Variants in FARP1 observed in about 807,000 individuals in gnomAD.
FARP1 encodes the protein FERM, ARH/RhoGEF and pleckstrin domain protein 1.
A neutral mutation model predicts 128.8 loss-of-function variants in FARP1; 52 were observed. That is an observed-to-expected ratio of 0.40 (90% CI 0.32 to 0.51). The LOEUF (loss-of-function observed/expected upper bound fraction) is 0.51, where lower values mean the gene tolerates loss of function less well. FARP1 is among the 20% of genes least tolerant of loss of function. The probability of loss-of-function intolerance (pLI) is 0.45; values close to 1 mark genes in which losing one functional copy is unlikely to be tolerated. For synonymous variants in FARP1, 580 were observed against 551.8 expected (o/e 1.05, Z -0.72); for missense variants, 1,333 against 1,367.9 (o/e 0.97, Z 0.40).
intron 13 of FARP1, chr13:98,403,100 T>C (rs975736964): frequency 6.6e-6 from 1 of 151,844 alleles, no homozygotes; most frequent in Non-Finnish European, 1.5e-5. Flanking sequence ...TTTTTTTTTT[T>C]TAACACTGCT....
chr13:98,449,498 TCAAA>T lies in FARP1; in HGVS notation c.*1185_*1188del, dbSNP rs755619087. ...TCCTAAGCCCTTTCTAACGAGAGTC[TCAAA>T]CAAGCGGAGGCGAGGGCCAATTCAA... On this transcript the variant is annotated 3_prime_UTR_variant, in exon 27 of 27. Coordinates refer to ENST00000319562, the MANE Select transcript of FARP1 (RefSeq NM_005766.4). 1 of 152,286 alleles carries T rather than the reference TCAAA, an allele frequency of 6.6e-6. No individual in the cohort carries two copies. Among genetic ancestry groups the T allele is most frequent in the Non-Finnish European group, 1.5e-5 (1 of 67,988 alleles). The allele number at this position is 152,286 out of a possible 1,614,324, so 9.4% of individuals were successfully genotyped here. A position where few individuals can be genotyped will look rare whatever the true frequency, so the allele number is the denominator to read the frequency against.
chr13:98,443,580 G>A (rs1366323387), intron 24 of FARP1, among the ~76,000 whole-genome samples: 1 of 152,216 alleles, frequency 6.6e-6, no homozygotes, highest in South Asian at 2.1e-4. Flanking sequence ...CGTCTGACTC[G>A]TGTAGGCACA....
At chr13:98,314,608 C>G (rs1422799824) in intron 2 of FARP1, among the ~76,000 whole-genome samples, 1 of 152,106 alleles carries the variant, frequency 6.6e-6, no homozygotes, top group African/African-American at 2.4e-5. Context: ...TTTATAATTT[C>G]AAGACGGCTC....
At chr13:98,390,176 C>T (rs752244065) in intron 10 of FARP1, 56 bp downstream of exon 10, 145 of 1,563,822 alleles carry the variant, frequency 9.3e-5, no homozygotes, top group Non-Finnish European at 1.2e-4. Flanking sequence ...CCTCCCGCCT[C>T]TCACAGCCGC....
intron 19 of FARP1, among the ~76,000 whole-genome samples, chr13:98,436,280 A>G (rs1892264713): frequency 6.6e-6 from 1 of 152,126 alleles, no homozygotes; most frequent in Admixed American, 6.6e-5. Flanking sequence ...TTCCTACTCA[A>G]CAGGGCTTCC....
At chr13:98,308,602 C>T (rs1234626330) in intron 2 of FARP1, among the ~76,000 whole-genome samples, 1 of 152,222 alleles carries the variant, frequency 6.6e-6, no homozygotes, top group African/African-American at 2.4e-5. Flanking sequence ...AAAGACTTAA[C>T]AACAACAACA....
At chr13:98,446,009 C>A in intron 24 of FARP1, 89 bp from the exon 25 acceptor site, 2 of 873,186 alleles carry the variant, frequency 2.3e-6, no homozygotes, top group Non-Finnish European at 3.8e-6. Flanking sequence ...CATGCCCCAG[C>A]CCAGGGCCCT....
At chr13:98,226,233 C>G (rs1881755941) in intron 2 of FARP1, among the ~76,000 whole-genome samples, 1 of 152,192 alleles carries the variant, frequency 6.6e-6, no homozygotes, top group African/African-American at 2.4e-5. Flanking sequence ...TCTCTCCTGG[C>G]TCCTGGAGGT....
chr13:98,424,741 G>T (rs1891715741), intron 17 of FARP1, 91 bp downstream of exon 17: 3 of 860,386 alleles, frequency 3.5e-6, no homozygotes, highest in Admixed American at 3.8e-5. Flanking sequence ...ATTTCCATCA[G>T]CATGCATCAC....
intron 5 of FARP1, among the ~76,000 whole-genome samples, chr13:98,377,121 T>C (rs1241606060): frequency 6.6e-6 from 1 of 151,836 alleles, no homozygotes; most frequent in Non-Finnish European, 1.5e-5. Flanking sequence ...GCCAACATGG[T>C]GAAACCCCGT....
At position 98,424,632 on chromosome 13, in the gene FARP1, G is replaced by A. The variant is rs1891711463; in HGVS notation, c.1887G>A (p.Lys629=). ...DYQRIGDVML[K]NIQGMKHLAA... ...AAAGAATCGGCGATGTCATGCTGAAGAACATTCAGGGCATGAAGGTGAGCT... is the reference window on the plus strand; with the variant it reads ...AAAGAATCGGCGATGTCATGCTGAAAAACATTCAGGGCATGAAGGTGAGCT... Residue 629 remains lysine, a synonymous_variant, in exon 17 of 27, where the codon AAG becomes AAA. Transcript: ENST00000319562. 1.2e-6 allele frequency: 2 copies of A among 1,613,056 alleles called. No individual in the cohort carries two copies. Among genetic ancestry groups the A allele is most frequent in the Non-Finnish European group, 1.7e-6 (2 of 1,178,972 alleles).
intron 2 of FARP1, among the ~76,000 whole-genome samples, chr13:98,219,038 T>A (rs549665051): frequency 5.3e-5 from 8 of 152,342 alleles, no homozygotes; most frequent in African/African-American, 1.4e-4. Flanking sequence ...TTCATTATTA[T>A]ACCTTTTGAA....
chr13:98,414,070 T>TA (rs1362132229), intron 16 of FARP1, among the ~76,000 whole-genome samples: 1 of 152,202 alleles, frequency 6.6e-6, no homozygotes, highest in Non-Finnish European at 1.5e-5. Flanking sequence ...AGCTGTCTAA[T>TA]ACGACTCATT....
At chr13:98,343,646 G>A in intron 2 of FARP1, 116 bp from the exon 3 acceptor site, 1 of 733,732 alleles carries the variant, frequency 1.4e-6, no homozygotes. Flanking sequence ...GTGGGCGGTG[G>A]CAAGCTCTGA....
At chr13:98,231,407 C>T (rs1471622215) in intron 2 of FARP1, among the ~76,000 whole-genome samples, 1 of 151,692 alleles carries the variant, frequency 6.6e-6, no homozygotes, top group Non-Finnish European at 1.5e-5. Context: ...GCTATGTTGT[C>T]ATTCATTTCT....
At chr13:98,411,263 G>T (rs1891184201) in intron 15 of FARP1, among the ~76,000 whole-genome samples, 1 of 152,166 alleles carries the variant, frequency 6.6e-6, no homozygotes, top group Non-Finnish European at 1.5e-5. Flanking sequence ...AATCAGTCCT[G>T]CTCAGTCTTG....
At chr13:98,335,678 C>T (rs1444988253) in intron 2 of FARP1, among the ~76,000 whole-genome samples, 3 of 152,266 alleles carry the variant, frequency 2.0e-5, no homozygotes, top group East Asian at 3.9e-4. Context: ...ATAAATACAC[C>T]GCAGCCTCCT....
At chr13:98,218,198 C>T (rs1208511271) in intron 2 of FARP1, among the ~76,000 whole-genome samples, 1 of 151,888 alleles carries the variant, frequency 6.6e-6, no homozygotes, top group Non-Finnish European at 1.5e-5. Flanking sequence ...ACACCCACGC[C>T]ATCCTCACCC....
intron 2 of FARP1, among the ~76,000 whole-genome samples, chr13:98,267,710 G>A (rs1050595331): frequency 6.6e-6 from 1 of 152,362 alleles, no homozygotes; most frequent in Admixed American, 6.5e-5. Flanking sequence ...TCACCCTGCA[G>A]GCGCAGCCGC....
Sources: allele counts gnomAD v4.1 joint callset (sites outside exome capture counted in the v4.1 genomes callset), GRCh38; gene constraint gnomAD v4.1.1; transcripts MANE v1.5; gene names NCBI Gene and HGNC (gene_info 2026-07-23, HGNC 2026-07-21).